The following TNS3 variants were observed in gnomAD, a reference collection of about 807,000 sequenced individuals.
The protein encoded by TNS3 is tensin-3.
TNS3 carries 45 observed loss-of-function variants against 140.9 expected under a neutral mutation model. The observed-to-expected ratio is 0.32, with a 90% CI of 0.25 to 0.41. The LOEUF is 0.41. Ranked by LOEUF, TNS3 falls within the 10% of genes least tolerant of loss-of-function variation. The probability of loss-of-function intolerance (pLI) is 1.00; values close to 1 mark genes in which losing one functional copy is unlikely to be tolerated. For missense variants in TNS3, 1,716 were observed against 1,906.7 expected (o/e 0.90, Z 1.86); for synonymous variants, 815 against 788.4 (o/e 1.03, Z -0.56).
chr7:47,542,538 G>A (rs1247583122), intron 1 of TNS3, among the ~76,000 whole-genome samples: 2 of 152,282 alleles, frequency 1.3e-5, no homozygotes, highest in South Asian at 2.1e-4. Flanking sequence ...CCCACTACAT[G>A]CCCGTCGACA....
At chr7:47,560,018 C>T (rs551217685) in intron 1 of TNS3, among the ~76,000 whole-genome samples, 3 of 152,280 alleles carry the variant, frequency 2.0e-5, no homozygotes, top group Non-Finnish European at 4.4e-5. Context: ...GCTCCACCCC[C>T]GCAGGACTGC....
At chr7:47,393,493 A>G (rs1792648004) in intron 16 of TNS3, among the ~76,000 whole-genome samples, 1 of 152,106 alleles carries the variant, frequency 6.6e-6, no homozygotes, top group Non-Finnish European at 1.5e-5. Flanking sequence ...GAGGACTCAG[A>G]TTCCGTGTGG....
intron 15 of TNS3, among the ~76,000 whole-genome samples, chr7:47,398,417 A>T (rs1243075227): frequency 1.3e-5 from 2 of 152,218 alleles, no homozygotes; most frequent in African/African-American, 4.8e-5. Flanking sequence ...TAGATGCAAA[A>T]ATCTTCAACA....
intron 20 of TNS3, among the ~76,000 whole-genome samples, chr7:47,314,178 C>G (rs1043050708): frequency 1.1e-4 from 16 of 152,212 alleles, no homozygotes; most frequent in African/African-American, 3.6e-4. Flanking sequence ...GGGTGAGTGT[C>G]ACATCTTCAG....
chr7:47,455,474 G>C (rs1359482787), intron 4 of TNS3, among the ~76,000 whole-genome samples: 1 of 152,050 alleles, frequency 6.6e-6, no homozygotes, highest in African/African-American at 2.4e-5. Context: ...GGATAACCCT[G>C]GAAACAACAA....
intron 20 of TNS3, among the ~76,000 whole-genome samples, chr7:47,307,039 T>C (rs1332070619): frequency 6.6e-6 from 1 of 152,224 alleles, no homozygotes; most frequent in Non-Finnish European, 1.5e-5. Flanking sequence ...TATTGAGGTA[T>C]AACTAATATA....
chr7:47,389,066 GAAGAA>G (rs1792297230), intron 16 of TNS3, among the ~76,000 whole-genome samples: 1 of 76,822 alleles, frequency 1.3e-5, no homozygotes, highest in African/African-American at 6.1e-5. Context: ...AGAAGAAGAA[GAAGAA>G]GAAGAAGAAG....
intron 16 of TNS3, among the ~76,000 whole-genome samples, chr7:47,374,268 G>C (rs1238867958): frequency 6.6e-6 from 1 of 152,190 alleles, no homozygotes; most frequent in African/African-American, 2.4e-5. Context: ...AGATTAATGA[G>C]ACAGAGCCCT....
At chr7:47,492,639 C>T (rs1309555284) in intron 3 of TNS3, among the ~76,000 whole-genome samples, 1 of 152,224 alleles carries the variant, frequency 6.6e-6, no homozygotes, top group Non-Finnish European at 1.5e-5. Context: ...GAGAAGAGCA[C>T]AGAAATGTTA....
intron 2 of TNS3, among the ~76,000 whole-genome samples, chr7:47,518,195 C>T (rs1276777231): frequency 6.6e-6 from 1 of 152,144 alleles, no homozygotes; most frequent in Non-Finnish European, 1.5e-5. Flanking sequence ...CCCTCCAGAC[C>T]ACCCTCTGTT....
At chr7:47,437,520 T>G (rs1315825956) in intron 6 of TNS3, among the ~76,000 whole-genome samples, 1 of 151,782 alleles carries the variant, frequency 6.6e-6, no homozygotes, top group South Asian at 2.1e-4. Flanking sequence ...CATTTTTACA[T>G]GATGTTTCCC....
At chr7:47,423,850 A>G (rs1794506229) in intron 10 of TNS3, among the ~76,000 whole-genome samples, 1 of 152,196 alleles carries the variant, frequency 6.6e-6, no homozygotes, top group Non-Finnish European at 1.5e-5. Flanking sequence ...CAACTGGAGC[A>G]AGTCCTCCCT....
In TNS3 at chr7:47,502,898, C is replaced by A. The variant is rs145183360; in HGVS notation, c.-115+4009G>T. On this transcript the variant is annotated intron_variant, in intron 3 of 30. Coordinates refer to ENST00000311160, the MANE Select transcript of TNS3 (RefSeq NM_022748.12). ...TATCCAAGAAGGGTGCAAACCGAGG[C>A]ACATGCAGAGAGAGAAACAGCAAGC... 3.3e-5 allele frequency among the ~76,000 whole-genome samples: 5 copies of A among 152,306 alleles called. No homozygotes were observed. The East Asian group carries it at 9.7e-4, about 29-fold the overall frequency.
At chr7:47,443,777 C>A (rs935516199) in intron 4 of TNS3, among the ~76,000 whole-genome samples, 1 of 152,046 alleles carries the variant, frequency 6.6e-6, no homozygotes, top group Non-Finnish European at 1.5e-5. Flanking sequence ...CAAAAATTAG[C>A]CTGCGTGGTG....
At chr7:47,311,849 T>C (rs1292748296) in intron 20 of TNS3, among the ~76,000 whole-genome samples, 2 of 152,132 alleles carry the variant, frequency 1.3e-5, no homozygotes, top group East Asian at 3.8e-4. Flanking sequence ...GAAGGATTAA[T>C]AAAAAGAAAA....
intron 17 of TNS3, among the ~76,000 whole-genome samples, chr7:47,366,320 G>A (rs1216697135): frequency 1.3e-5 from 2 of 152,156 alleles, no homozygotes; most frequent in East Asian, 1.9e-4. Flanking sequence ...GGACTCTCCA[G>A]GCTCCTTCCA....
intron 4 of TNS3, among the ~76,000 whole-genome samples, chr7:47,447,814 C>G (rs1795824347): frequency 6.6e-6 from 1 of 152,242 alleles, no homozygotes; most frequent in Non-Finnish European, 1.5e-5. Flanking sequence ...GCGGACAACT[C>G]TAGAACATGT....
At chr7:47,367,003 A>G (rs1562643741) in intron 17 of TNS3, among the ~76,000 whole-genome samples, 1 of 152,200 alleles carries the variant, frequency 6.6e-6, no homozygotes, top group African/African-American at 2.4e-5. Flanking sequence ...AGCAGCCCCC[A>G]GATGGCAAAA....
At chr7:47,568,199 G>A (rs1296403670) in intron 1 of TNS3, among the ~76,000 whole-genome samples, 4 of 152,154 alleles carry the variant, frequency 2.6e-5, no homozygotes, top group Non-Finnish European at 5.9e-5. Context: ...AGGACCCTGG[G>A]GCCTGCAGGA....
Sources: gnomAD v4.1 joint callset for allele counts (sites outside exome capture counted in the v4.1 genomes callset) on GRCh38, gnomAD v4.1.1 for gene constraint, MANE v1.5 for transcripts, NCBI Gene and HGNC (gene_info 2026-07-23, HGNC 2026-07-21) for gene names.